Variants in KCNH5 observed in about 807,000 individuals in gnomAD.
The protein encoded by KCNH5 is voltage-gated delayed rectifier potassium channel KCNH5.
In KCNH5, 46 loss-of-function variants were observed where a neutral mutation model predicts 96.1. The ratio of observed to expected loss-of-function variants is 0.48; its 90% confidence interval spans 0.38 to 0.61. KCNH5 has a LOEUF of 0.61. Ranked by LOEUF, KCNH5 falls within the 20% of genes least tolerant of loss-of-function variation. The pLI is 0.00. For missense variants in KCNH5, 907 were observed against 1,225.8 expected (o/e 0.74, Z 3.88); for synonymous variants, 439 against 449.8 (o/e 0.98, Z 0.30).
At chr14:62,756,764 T>C (rs1413196696) in intron 10 of KCNH5, among the ~76,000 whole-genome samples, 1 of 152,188 alleles carries the variant, frequency 6.6e-6, no homozygotes, top group Non-Finnish European at 1.5e-5. Context: ...AGAATGAAAC[T>C]AGACCCCTAT....
At chr14:63,002,759 T>C (rs1045977919) in intron 3 of KCNH5, among the ~76,000 whole-genome samples, 7 of 152,198 alleles carry the variant, frequency 4.6e-5, no homozygotes, top group African/African-American at 1.7e-4. Context: ...TCTATGGGAC[T>C]ATTCAGCTGT....
At chr14:62,817,407 CA>C (rs1566670268) in intron 8 of KCNH5, among the ~76,000 whole-genome samples, 1 of 148,632 alleles carries the variant, frequency 6.7e-6, no homozygotes, top group Non-Finnish European at 1.5e-5. Flanking sequence ...GTGAAAAATG[CA>C]ATAGAGAATT....
chr14:62,909,661 A>T (rs370780089), intron 7 of KCNH5, among the ~76,000 whole-genome samples: 34 of 152,144 alleles, frequency 2.2e-4, no homozygotes, highest in African/African-American at 7.7e-4. Context: ...TCCCTCCTGT[A>T]TTCCTATAAT....
At position 62,700,146 on chromosome 14, in the gene KCNH5, T is replaced by C. The variant is rs1884325396; in HGVS notation, c.*7362A>G. ...AATGCCACAACTAGTGTAAACAAAG[T>C]CACTAGAACATAGACTAAAAAGAAC... On this transcript the variant is annotated 3_prime_UTR_variant, in exon 11 of 11. Coordinates refer to ENST00000322893, the MANE Select transcript of KCNH5 (RefSeq NM_139318.5). 6.6e-6 allele frequency: 1 copy of C among 152,194 alleles called. No homozygotes were observed. The highest frequency in any genetic ancestry group is 2.1e-4 in the South Asian group (1 of 4,834). 9.4% of individuals were successfully genotyped at this position (152,194 alleles called of 1,614,324 possible).
At chr14:62,919,517 C>A (rs1305428261) in intron 7 of KCNH5, among the ~76,000 whole-genome samples, 1 of 152,060 alleles carries the variant, frequency 6.6e-6, no homozygotes, top group Non-Finnish European at 1.5e-5. Flanking sequence ...TACCAAGTTC[C>A]ACATCTTACT....
Position 62,779,901 on chromosome 14 carries a change from T to G in KCNH5, c.1846A>C (p.Ile616Leu), listed in dbSNP as rs757493271. 1 of 1,613,512 alleles carries G rather than the reference T, an allele frequency of 6.2e-7. No homozygotes were observed. The highest frequency in any genetic ancestry group is 2.2e-5 in the East Asian group (1 of 44,870). Residue 616 changes from isoleucine (I) to leucine (L), a missense_variant, in exon 10 of 11, where the codon ATC (isoleucine) becomes CTC (leucine). Around this residue, in one of 6 missense-constraint regions of KCNH5, gnomAD observed 57 missense variants for 76.0 expected, o/e 0.75. Transcript: ENST00000322893. The part of the protein sequence containing the change: ...ILGKGDVFGD[I>L]FWKETTLAHA... ...GCAAGGGTGGTTTCCTTCCAGAAGA[T>G]GTCTCCAAATACATCACCCTTCCCT...
intron 1 of KCNH5, among the ~76,000 whole-genome samples, chr14:63,041,307 A>G (rs530286048): frequency 4.3e-4 from 65 of 152,284 alleles, no homozygotes; most frequent in Non-Finnish European, 9.0e-4. Context: ...TGCTCCCTAG[A>G]GCCCAATTTA....
chr14:62,992,399 C>T (rs1299765529), intron 4 of KCNH5, among the ~76,000 whole-genome samples: 2 of 152,050 alleles, frequency 1.3e-5, no homozygotes, highest in African/African-American at 4.8e-5. Flanking sequence ...GAGAAATCTC[C>T]ATATTGTTTT....
At chr14:62,779,671 G>A in intron 10 of KCNH5, 57 bp downstream of exon 10, 1 of 1,405,010 alleles carries the variant, frequency 7.1e-7, no homozygotes, top group Non-Finnish European at 9.6e-7. Context: ...AGCTAATAGA[G>A]CTGAATTAAT....
At chr14:62,751,494 G>A (rs933636853) in intron 10 of KCNH5, among the ~76,000 whole-genome samples, 23 of 152,262 alleles carry the variant, frequency 1.5e-4, no homozygotes, top group South Asian at 4.1e-4. Context: ...TGGCTATTTC[G>A]GCCATCATTG....
intron 7 of KCNH5, among the ~76,000 whole-genome samples, chr14:62,882,192 T>C (rs541399669): frequency 1.1e-4 from 16 of 149,130 alleles, no homozygotes; most frequent in African/African-American, 3.5e-4. Flanking sequence ...TGGGCCCACA[T>C]GTTCAAGGCT....
intron 8 of KCNH5, among the ~76,000 whole-genome samples, chr14:62,841,562 C>T (rs1887586168): frequency 6.6e-6 from 1 of 152,182 alleles, no homozygotes; most frequent in Non-Finnish European, 1.5e-5. Context: ...CAAATTACTC[C>T]ACAATTGATG....
At chr14:62,713,280 ATATTAT>A (rs3037582) in intron 10 of KCNH5, among the ~76,000 whole-genome samples, 1 of 118,234 alleles carries the variant, frequency 8.5e-6, no homozygotes, top group Non-Finnish European at 1.8e-5. Context: ...TGCTATCTGT[ATATTAT>A]TATTATTATT....
chr14:62,912,037 CAAAAAAA>C (rs1163755853), intron 7 of KCNH5, among the ~76,000 whole-genome samples: 13 of 79,662 alleles, frequency 1.6e-4, no homozygotes, highest in East Asian at 3.5e-4. Context: ...GACTCCTAAT[CAAAAAAA>C]AAAAAAAAAA....
chr14:62,748,275 G>T (rs1885421581), intron 10 of KCNH5, among the ~76,000 whole-genome samples: 1 of 152,194 alleles, frequency 6.6e-6, no homozygotes, highest in East Asian at 1.9e-4. Flanking sequence ...ACAAGGGTTT[G>T]TGATAGAGGA....
chr14:63,013,471 C>A (rs1384582965), intron 2 of KCNH5, among the ~76,000 whole-genome samples: 1 of 152,070 alleles, frequency 6.6e-6, no homozygotes, highest in Non-Finnish European at 1.5e-5. Context: ...CAAGGATATT[C>A]TCAGTGTCAA....
intron 7 of KCNH5, among the ~76,000 whole-genome samples, chr14:62,853,460 T>TC (rs1887855606): frequency 2.2e-5 from 2 of 89,538 alleles, no homozygotes; most frequent in South Asian, 7.1e-4. Flanking sequence ...AATAATCATA[T>TC]ATATATATAT....
chr14:62,828,360 C>T (rs1338650582), intron 8 of KCNH5, among the ~76,000 whole-genome samples: 1 of 152,012 alleles, frequency 6.6e-6, no homozygotes, highest in Non-Finnish European at 1.5e-5. Flanking sequence ...TCTTAACTAG[C>T]AATAGTTGCT....
At chr14:62,866,556 T>G (rs1386165852) in intron 7 of KCNH5, among the ~76,000 whole-genome samples, 1 of 152,120 alleles carries the variant, frequency 6.6e-6, no homozygotes, top group Non-Finnish European at 1.5e-5. Flanking sequence ...ATAATAAGCA[T>G]GTGATGAAAA....
Sources: gnomAD v4.1 joint callset for allele counts (sites outside exome capture counted in the v4.1 genomes callset) on GRCh38, gnomAD v4.1.1 for gene constraint, gnomAD v4.1.1 regional missense constraint, MANE v1.5 for transcripts, NCBI Gene and HGNC (gene_info 2026-07-23, HGNC 2026-07-21) for gene names.